The following KIAA1328 variants were observed in gnomAD, a reference collection of about 807,000 sequenced individuals.
KIAA1328 encodes KIAA1328.
A neutral mutation model predicts 68.1 loss-of-function variants in KIAA1328; 52 were observed. That is an observed-to-expected ratio of 0.76 (90% CI 0.61 to 0.96). The LOEUF is 0.96. Ranked by LOEUF, KIAA1328 falls within the 40% of genes least tolerant of loss-of-function variation. The pLI is 0.00. For missense variants in KIAA1328, 641 were observed against 677.6 expected (o/e 0.95, Z 0.60); for synonymous variants, 232 against 239.4 (o/e 0.97, Z 0.28).
chr18:36,865,355 C>A (rs1056661228), intron 4 of KIAA1328, among the ~76,000 whole-genome samples: 1 of 151,966 alleles, frequency 6.6e-6, no homozygotes, highest in South Asian at 2.1e-4. Flanking sequence ...TCCAATCATA[C>A]GGAGATTTTT....
At chr18:36,963,654 A>G (rs1301514270) in intron 6 of KIAA1328, among the ~76,000 whole-genome samples, 2 of 152,224 alleles carry the variant, frequency 1.3e-5, no homozygotes, top group Non-Finnish European at 2.9e-5. Flanking sequence ...TGTAAACCTC[A>G]GTGATGACAC....
intron 6 of KIAA1328, among the ~76,000 whole-genome samples, chr18:37,007,262 G>A (rs2053817660): frequency 6.6e-6 from 1 of 152,140 alleles, no homozygotes; most frequent in Admixed American, 6.6e-5. Context: ...TGCATTTGAG[G>A]TTTAACCAAT....
chr18:37,009,905 T>C lies in KIAA1328; in HGVS notation c.576+50470T>C, dbSNP rs529929053. Among the ~76,000 whole-genome samples, 16 of 152,310 alleles carry C rather than the reference T, an allele frequency of 1.1e-4. No individual in the cohort carries two copies. The East Asian group carries it at 2.5e-3, about 24-fold the overall frequency. On this transcript the variant is annotated intron_variant, in intron 6 of 9. Transcript: ENST00000280020. Reference sequence around the variant, plus strand: ...TTAAGCCAATGAGTTTCTCTTCCCATACATAGTTCGTAATTATCTGAGAGT... The same window carrying C: ...TTAAGCCAATGAGTTTCTCTTCCCACACATAGTTCGTAATTATCTGAGAGT...
rs560890392 is a variant in KIAA1328, at chr18:36,931,283, G to A, written c.449-28025G>A. On this transcript the variant is annotated intron_variant, in intron 5 of 9. Coordinates refer to ENST00000280020, the MANE Select transcript of KIAA1328 (RefSeq NM_020776.3). ...TTAGGAACCTGGCTGCACAGCAGGAGATGAGAGCTGGTGAGCGAGCATTAC... is the reference window on the plus strand; with the variant it reads ...TTAGGAACCTGGCTGCACAGCAGGAAATGAGAGCTGGTGAGCGAGCATTAC... Among the ~76,000 whole-genome samples the A allele has an allele frequency of 3.9e-5, 6 of 152,260 alleles. No homozygotes were observed. The South Asian group carries it at 1.2e-3, about 32-fold the overall frequency.
intron 4 of KIAA1328, among the ~76,000 whole-genome samples, chr18:36,847,069 T>G (rs1486674339): frequency 6.6e-6 from 1 of 151,502 alleles, no homozygotes; most frequent in East Asian, 1.9e-4. Flanking sequence ...CAGCATAATG[T>G]TTTTAGTTGT....
intron 6 of KIAA1328, among the ~76,000 whole-genome samples, chr18:37,011,606 TA>T (rs35122102): frequency 2.0e-5 from 3 of 151,946 alleles, no homozygotes; most frequent in East Asian, 1.9e-4. Context: ...TGATATTCAC[TA>T]AAAAAAGGAA....
chr18:37,111,596 C>T (rs768637556), intron 7 of KIAA1328, among the ~76,000 whole-genome samples: 1 of 152,216 alleles, frequency 6.6e-6, no homozygotes, highest in Non-Finnish European at 1.5e-5. Context: ...CAGTCTACAG[C>T]TCCCAGTGTG....
At chr18:36,884,881 T>G (rs2048446055) in intron 4 of KIAA1328, among the ~76,000 whole-genome samples, 1 of 152,202 alleles carries the variant, frequency 6.6e-6, no homozygotes, top group South Asian at 2.1e-4. Flanking sequence ...CTCTCTGTGC[T>G]CTTGTCAGAA....
At chr18:37,116,323 A>G (rs1413400502) in intron 7 of KIAA1328, among the ~76,000 whole-genome samples, 4 of 152,210 alleles carry the variant, frequency 2.6e-5, no homozygotes, top group South Asian at 2.1e-4. Context: ...ATACAGACCA[A>G]TGGAACAGAA....
intron 5 of KIAA1328, 156 bp downstream of exon 5, chr18:36,885,828 T>G: frequency 5.5e-6 from 3 of 540,740 alleles, no homozygotes; most frequent in Non-Finnish European, 6.6e-6. Context: ...GCGATTCTCC[T>G]ACCTCAGCCT....
At chr18:37,214,221 G>A (rs1384870372) in intron 9 of KIAA1328, among the ~76,000 whole-genome samples, 1 of 152,128 alleles carries the variant, frequency 6.6e-6, no homozygotes, top group Non-Finnish European at 1.5e-5. Flanking sequence ...TGAAGTCCTT[G>A]CGAATGCCTA....
intron 5 of KIAA1328, among the ~76,000 whole-genome samples, chr18:36,916,029 A>G (rs974232971): frequency 1.3e-5 from 2 of 152,158 alleles, no homozygotes; most frequent in Admixed American, 6.5e-5. Context: ...CTCATGTGTA[A>G]TGTGTTGTCT....
intron 6 of KIAA1328, among the ~76,000 whole-genome samples, chr18:36,978,303 C>G (rs2052551667): frequency 1.3e-5 from 2 of 152,204 alleles, no homozygotes; most frequent in Admixed American, 6.5e-5. Flanking sequence ...TAGGCACCCT[C>G]TACTGTATAT....
At chr18:36,985,025 G>A (rs1195651485) in intron 6 of KIAA1328, among the ~76,000 whole-genome samples, 1 of 152,052 alleles carries the variant, frequency 6.6e-6, no homozygotes, top group Non-Finnish European at 1.5e-5. Context: ...GAAGGACTGG[G>A]CACACAGTGG....
chr18:36,867,516 C>T (rs971183341), intron 4 of KIAA1328, among the ~76,000 whole-genome samples: 2 of 152,204 alleles, frequency 1.3e-5, no homozygotes, highest in African/African-American at 4.8e-5. Flanking sequence ...TTTTCAATTA[C>T]AGAGTGACAT....
At position 37,016,560 on chromosome 18, in the gene KIAA1328, G is replaced by T. The variant is rs548636792; in HGVS notation, c.577-50330G>T. On this transcript the variant is annotated intron_variant, in intron 6 of 9. Coordinates refer to ENST00000280020, the MANE Select transcript of KIAA1328 (RefSeq NM_020776.3). ...GGTACCAGCTCTTCTTTATATGTCT[G>T]GTAGAAATCAACTGTGAATCCATCT... 8.9e-4 allele frequency among the ~76,000 whole-genome samples: 135 copies of T among 152,154 alleles called. 1 individual carries two copies. The highest frequency in any genetic ancestry group is 2.8e-3 in the African/African-American group (117 of 41,540).
chr18:37,206,340 A>G (rs2060214743), intron 9 of KIAA1328, among the ~76,000 whole-genome samples: 1 of 152,192 alleles, frequency 6.6e-6, no homozygotes, highest in African/African-American at 2.4e-5. Context: ...CAGAAAGAGT[A>G]GCCCTATGGT....
At chr18:37,008,657 A>G (rs558948761) in intron 6 of KIAA1328, among the ~76,000 whole-genome samples, 1 of 152,356 alleles carries the variant, frequency 6.6e-6, no homozygotes, top group African/African-American at 2.4e-5. Flanking sequence ...ATAAAGGTAA[A>G]TACACTTGAA....
intron 6 of KIAA1328, among the ~76,000 whole-genome samples, chr18:36,973,190 T>C (rs934601614): frequency 1.8e-4 from 27 of 152,112 alleles, no homozygotes; most frequent in African/African-American, 5.6e-4. Flanking sequence ...TGGATGAAGC[T>C]GGAAACCATC....
Sources: allele counts gnomAD v4.1 joint callset (sites outside exome capture counted in the v4.1 genomes callset), GRCh38; gene constraint gnomAD v4.1.1; transcripts MANE v1.5; gene names NCBI Gene and HGNC (gene_info 2026-07-23, HGNC 2026-07-21).